The following GAS7 variants were observed in gnomAD, a reference collection of about 807,000 sequenced individuals.
GAS7 encodes growth arrest-specific protein 7.
GAS7 carries 28 observed loss-of-function variants against 71.1 expected under a neutral mutation model. The observed-to-expected ratio is 0.39, with a 90% confidence interval of 0.29 to 0.54. The LOEUF (loss-of-function observed/expected upper bound fraction) is 0.54. Ranked by LOEUF, GAS7 falls within the 20% of genes least tolerant of loss-of-function variation. GAS7 has a pLI of 0.62. For missense variants in GAS7, 436 were observed against 627.8 expected, an observed-to-expected ratio of 0.69 and a Z score of 3.27; for synonymous variants, 258 against 245.8, an observed-to-expected ratio of 1.05 and a Z score of -0.46.
intron 2 of GAS7, among the ~76,000 whole-genome samples, chr17:10,010,012 C>T (rs1170262519): frequency 1.3e-5 from 2 of 151,942 alleles, no homozygotes; most frequent in Non-Finnish European, 2.9e-5. Flanking sequence ...AATACTGAGG[C>T]AAAAAAGAAA....
At chr17:10,195,204 A>G (rs1377882697) in intron 1 of GAS7, among the ~76,000 whole-genome samples, 1 of 152,052 alleles carries the variant, frequency 6.6e-6, no homozygotes, top group Non-Finnish European at 1.5e-5. Context: ...TTGCCCCAAA[A>G]ACCAAGACCT....
At chr17:10,097,620 C>T (rs1165394429) in intron 1 of GAS7, among the ~76,000 whole-genome samples, 1 of 152,160 alleles carries the variant, frequency 6.6e-6, no homozygotes. Context: ...AAACTCAGGA[C>T]CTCAGAGCCG....
At chr17:10,138,168 T>C (rs564440122) in intron 1 of GAS7, among the ~76,000 whole-genome samples, 9 of 151,772 alleles carry the variant, frequency 5.9e-5, no homozygotes, top group Admixed American at 3.3e-4. Context: ...GGTTTCACCA[T>C]GTTAGCCAGG....
At chr17:9,954,032 G>C in intron 5 of GAS7, among the ~76,000 whole-genome samples, 1 of 152,204 alleles carries the variant, frequency 6.6e-6, no homozygotes, top group Non-Finnish European at 1.5e-5. Context: ...AAGGACTGAG[G>C]GTCCAGGGGA....
chr17:9,969,799 G>T lies in GAS7; in HGVS notation c.386-37C>A. 7.5e-7 allele frequency: 1 copy of T among 1,337,978 alleles called. No individual in the cohort carries two copies. Among genetic ancestry groups the T allele is most frequent in the Non-Finnish European group, 1.1e-6 (1 of 928,756 alleles). The allele number at this position is 1,337,978 out of a possible 1,614,324, so 82.9% of individuals were successfully genotyped here. ...GAGACACGGCTCAGATGCTGTGTGG[G>T]CCACAGATGGGCACCCCCGCCTTTC... On this transcript the variant is annotated intron_variant, in intron 3 of 13. Transcript: ENST00000432992. The surrounding 1 kb of genome is among the most constrained non-coding windows in gnomAD (Gnocchi z 5.5).
chr17:9,935,151 T>A lies in GAS7; in HGVS notation c.807-907A>T, dbSNP rs147709423. On this transcript the variant is annotated intron_variant, in intron 8 of 13. Transcript: ENST00000432992. Reference sequence around the variant, plus strand: ...GGGAAGATGGACTGTGTGGGTCTAGTGACCTAGATGCAGCCACAGGGCAGA... The same window carrying A: ...GGGAAGATGGACTGTGTGGGTCTAGAGACCTAGATGCAGCCACAGGGCAGA... 7.7e-4 allele frequency among the ~76,000 whole-genome samples: 117 copies of A among 152,320 alleles called. 1 individual carries two copies. The highest frequency in any genetic ancestry group is 2.7e-3 in the African/African-American group (113 of 41,572).
intron 1 of GAS7, among the ~76,000 whole-genome samples, chr17:10,067,436 G>T (rs1279568483): frequency 6.6e-6 from 1 of 151,832 alleles, no homozygotes; most frequent in Admixed American, 6.6e-5. Flanking sequence ...GTAGAGACGG[G>T]GTTTCACCAT....
chr17:9,956,137 G>A (rs941361158), intron 5 of GAS7, among the ~76,000 whole-genome samples: 1 of 152,224 alleles, frequency 6.6e-6, no homozygotes, highest in Admixed American at 6.5e-5. Context: ...CCCAGCAGGA[G>A]CCTGTGGGGA....
chr17:10,105,360 C>T lies in GAS7; in HGVS notation c.184-85463G>A, dbSNP rs141952314. 4.0e-3 allele frequency among the ~76,000 whole-genome samples: 602 copies of T among 152,212 alleles called. 2 individuals are homozygous for T. Among genetic ancestry groups the T allele is most frequent in the Non-Finnish European group, 5.4e-3 (367 of 68,016 alleles). On this transcript the variant is annotated intron_variant, in intron 1 of 13. Coordinates refer to ENST00000432992, the MANE Select transcript of GAS7 (RefSeq NM_201433.2). Reference sequence around the variant, plus strand: ...ACCTGCCTGCAGCCCAGCTTTGACTCTTATTCAAACTCAAATAAAATTCAG... The same window carrying T: ...ACCTGCCTGCAGCCCAGCTTTGACTTTTATTCAAACTCAAATAAAATTCAG...
intron 2 of GAS7, among the ~76,000 whole-genome samples, chr17:10,008,431 T>C (rs553127355): frequency 4.6e-5 from 7 of 152,314 alleles, no homozygotes; most frequent in African/African-American, 1.4e-4. Context: ...TAACTCAACT[T>C]CCTAGAATAG....
At chr17:10,153,439 C>G (rs2074182242) in intron 1 of GAS7, among the ~76,000 whole-genome samples, 1 of 150,816 alleles carries the variant, frequency 6.6e-6, no homozygotes, top group Non-Finnish European at 1.5e-5. Flanking sequence ...TTGCTTGTAC[C>G]CAGGGGGCAC....
At chr17:10,078,075 GTGTGTTT>G (rs935200861) in intron 1 of GAS7, among the ~76,000 whole-genome samples, 44 of 114,508 alleles carry the variant, frequency 3.8e-4, no homozygotes, top group East Asian at 2.3e-3. Flanking sequence ...GTGTGTGTGT[GTGTGTTT>G]TGTTTTGTTT....
chr17:9,942,926 A>G (rs1387691871), intron 7 of GAS7, among the ~76,000 whole-genome samples, 195 bp downstream of exon 7: 11 of 152,230 alleles, frequency 7.2e-5, no homozygotes, highest in Non-Finnish European at 1.5e-5. Context: ...TTCAATATTT[A>G]AAAACACTAT....
chr17:10,045,631 A>G (rs2072942597), intron 1 of GAS7, among the ~76,000 whole-genome samples: 1 of 152,100 alleles, frequency 6.6e-6, no homozygotes, highest in Non-Finnish European at 1.5e-5. Flanking sequence ...CAGGAGACAG[A>G]GATTGCAGTG....
intron 1 of GAS7, among the ~76,000 whole-genome samples, chr17:10,089,490 C>T (rs920354557): frequency 7.3e-5 from 11 of 150,854 alleles, no homozygotes; most frequent in Non-Finnish European, 1.5e-4. Flanking sequence ...AGAAATTCCT[C>T]CTACGGGTTC....
intron 1 of GAS7, among the ~76,000 whole-genome samples, chr17:10,129,350 C>T (rs907092170): frequency 2.0e-5 from 3 of 151,926 alleles, no homozygotes; most frequent in South Asian, 2.1e-4. Flanking sequence ...GCCTGGGCAA[C>T]GCAGGAAGAC....
chr17:10,119,534 G>A (rs1454838673), intron 1 of GAS7, among the ~76,000 whole-genome samples: 1 of 152,202 alleles, frequency 6.6e-6, no homozygotes, highest in South Asian at 2.1e-4. Context: ...GCTCCCAAGA[G>A]TGTCCTTGAT....
At chr17:10,039,723 T>C (rs1213794327) in intron 1 of GAS7, 1 of 455,928 alleles carries the variant, frequency 2.2e-6, no homozygotes, top group East Asian at 7.0e-5. Context: ...GCTGGCCACC[T>C]ATAGCAGGAC....
intron 1 of GAS7, among the ~76,000 whole-genome samples, chr17:10,173,494 C>T (rs375631813): frequency 3.2e-4 from 48 of 151,156 alleles, no homozygotes; most frequent in Non-Finnish European, 5.6e-4. Context: ...CTCGGCCAGG[C>T]GCGGTGGCTC....
Sources: allele counts gnomAD v4.1 joint callset (sites outside exome capture counted in the v4.1 genomes callset), GRCh38; gene constraint gnomAD v4.1.1; non-coding constraint Gnocchi (gnomAD v3.1); transcripts MANE v1.5; gene names NCBI Gene and HGNC (gene_info 2026-07-23, HGNC 2026-07-21).